The following HCN1 variants were observed in gnomAD, a reference collection of about 807,000 sequenced individuals.
The protein encoded by HCN1 is potassium/sodium hyperpolarization-activated cyclic nucleotide-gated channel 1.
In HCN1, 13 loss-of-function variants were observed where a neutral mutation model predicts 78.9. The ratio of observed to expected loss-of-function variants is 0.16; its 90% confidence interval spans 0.11 to 0.26. HCN1 has a LOEUF of 0.26. Among genes scored for constraint, HCN1 ranks in the 10% least tolerant of loss-of-function variants. The pLI, the probability that HCN1 is intolerant of heterozygous loss-of-function variation, is 1.00. For synonymous variants in HCN1, 552 were observed against 455.5 expected (o/e 1.21, Z -2.70); for missense variants, 810 against 1,154.3 (o/e 0.70, Z 4.32).
intron 2 of HCN1, among the ~76,000 whole-genome samples, chr5:45,506,925 A>C (rs1742314056): frequency 6.6e-6 from 1 of 152,190 alleles, no homozygotes; most frequent in South Asian, 2.1e-4. Context: ...CTGCATACTA[A>C]AAGTGACATT....
intron 6 of HCN1, among the ~76,000 whole-genome samples, chr5:45,270,015 T>C (rs912396904): frequency 6.6e-6 from 1 of 152,180 alleles, no homozygotes; most frequent in African/African-American, 2.4e-5. Context: ...TACATTAATG[T>C]CATTATATTA....
intron 3 of HCN1, among the ~76,000 whole-genome samples, chr5:45,434,382 T>A (rs755213447): frequency 3.3e-4 from 50 of 152,140 alleles, no homozygotes; most frequent in Non-Finnish European, 5.0e-4. Context: ...GAAATGGACA[T>A]CCGCAGGCAG....
intron 5 of HCN1, among the ~76,000 whole-genome samples, chr5:45,338,642 C>T (rs1746512463): frequency 2.0e-5 from 3 of 152,108 alleles, no homozygotes. Context: ...CCAAACACAC[C>T]TTTGCCTAAG....
chr5:45,573,879 T>C (rs1207123040), intron 2 of HCN1, among the ~76,000 whole-genome samples: 1 of 152,080 alleles, frequency 6.6e-6, no homozygotes, highest in Non-Finnish European at 1.5e-5. Context: ...TATATAAGCT[T>C]TCTGAACAAA....
intron 4 of HCN1, among the ~76,000 whole-genome samples, chr5:45,394,303 C>T (rs1226806908): frequency 6.6e-6 from 1 of 152,058 alleles, no homozygotes; most frequent in Non-Finnish European, 1.5e-5. Flanking sequence ...TGCATGAGTG[C>T]TTCTCTGTGG....
chr5:45,610,089 G>C (rs770606539), intron 2 of HCN1, among the ~76,000 whole-genome samples: 43 of 152,202 alleles, frequency 2.8e-4, no homozygotes, highest in Admixed American at 1.2e-3. Context: ...GAGAGGATAA[G>C]GTTTGTGTTA....
At chr5:45,623,973 C>A (rs1262396940) in intron 2 of HCN1, among the ~76,000 whole-genome samples, 1 of 152,152 alleles carries the variant, frequency 6.6e-6, no homozygotes, top group African/African-American at 2.4e-5. Context: ...ATATTCCTGG[C>A]AGAGTTAAGA....
At chr5:45,581,489 C>CAGTTTCTTT (rs1744071805) in intron 2 of HCN1, among the ~76,000 whole-genome samples, 1 of 152,120 alleles carries the variant, frequency 6.6e-6, no homozygotes, top group Admixed American at 6.6e-5. Context: ...ACTCTGATGG[C>CAGTTTCTTT]AGTTTCTTTT....
chr5:45,283,019 C>T (rs1579777647), intron 6 of HCN1, among the ~76,000 whole-genome samples: 1 of 152,184 alleles, frequency 6.6e-6, no homozygotes, highest in East Asian at 1.9e-4. Context: ...CTGCATCCTC[C>T]ATATCTGAAC....
chr5:45,342,393 C>G (rs1222167954), intron 5 of HCN1, among the ~76,000 whole-genome samples: 1 of 134,206 alleles, frequency 7.5e-6, no homozygotes, highest in African/African-American at 3.5e-5. Context: ...CTACACCTGG[C>G]TATTTTTTTT....
intron 1 of HCN1, among the ~76,000 whole-genome samples, chr5:45,688,436 G>C (rs1294557977): frequency 2.6e-5 from 4 of 152,086 alleles, no homozygotes; most frequent in African/African-American, 9.7e-5. Flanking sequence ...AAATGTAATA[G>C]TTGGGGCACA....
At chr5:45,281,168 T>A (rs939244100) in intron 6 of HCN1, among the ~76,000 whole-genome samples, 1 of 152,290 alleles carries the variant, frequency 6.6e-6, no homozygotes, top group Non-Finnish European at 1.5e-5. Context: ...CCAAATCTCA[T>A]GTAGAAATGT....
At chr5:45,341,946 C>T (rs1338785403) in intron 5 of HCN1, among the ~76,000 whole-genome samples, 1 of 152,070 alleles carries the variant, frequency 6.6e-6, no homozygotes, top group Non-Finnish European at 1.5e-5. Flanking sequence ...CTTATCATCT[C>T]AATTTGGCTC....
At chr5:45,450,154 A>G (rs1452111495) in intron 3 of HCN1, among the ~76,000 whole-genome samples, 2 of 152,194 alleles carry the variant, frequency 1.3e-5, no homozygotes, top group Non-Finnish European at 2.9e-5. Flanking sequence ...ATTTGTGGTT[A>G]TCTTTCAAAG....
chr5:45,546,961 C>T (rs183870963), intron 2 of HCN1, among the ~76,000 whole-genome samples: 131 of 151,898 alleles, frequency 8.6e-4, no homozygotes, highest in African/African-American at 2.6e-3. Context: ...TCTTAGTTTC[C>T]CTCTCTTCTA....
At chr5:45,465,676 A>G (rs751086709) in intron 2 of HCN1, among the ~76,000 whole-genome samples, 7 of 151,976 alleles carry the variant, frequency 4.6e-5, no homozygotes, top group Non-Finnish European at 8.8e-5. Flanking sequence ...AATCACTTGA[A>G]CCTGGGAGGT....
chr5:45,571,861 C>T (rs892606667), intron 2 of HCN1, among the ~76,000 whole-genome samples: 1 of 152,154 alleles, frequency 6.6e-6, no homozygotes, highest in East Asian at 1.9e-4. Flanking sequence ...TTGCAGTGAG[C>T]TGAGATCATG....
intron 3 of HCN1, among the ~76,000 whole-genome samples, chr5:45,440,310 T>C (rs1182784292): frequency 6.6e-6 from 1 of 152,106 alleles, no homozygotes; most frequent in African/African-American, 2.4e-5. Flanking sequence ...CCTACAACAC[T>C]GCCTGGCAAA....
chr5:45,655,834 A>G (rs1745754826), intron 1 of HCN1, among the ~76,000 whole-genome samples: 1 of 152,152 alleles, frequency 6.6e-6, no homozygotes, highest in Admixed American at 6.5e-5. Flanking sequence ...TAGCCCACAA[A>G]GATATCTCAC....
Sources: allele counts gnomAD v4.1 joint callset (sites outside exome capture counted in the v4.1 genomes callset), GRCh38; gene constraint gnomAD v4.1.1; transcripts MANE v1.5; gene names NCBI Gene and HGNC (gene_info 2026-07-23, HGNC 2026-07-21).